Variants in RAB18 observed in about 807,000 individuals in gnomAD.
RAB18 encodes the protein ras-related protein Rab-18.
A neutral mutation model predicts 28.5 loss-of-function variants in RAB18; 10 were observed. That is an observed-to-expected ratio of 0.35 (90% confidence interval 0.22 to 0.60). The LOEUF is 0.60. Among genes scored for constraint, RAB18 ranks in the 20% least tolerant of loss-of-function variants. The pLI, the probability that RAB18 is intolerant of heterozygous loss-of-function variation, is 0.78. For missense variants in RAB18, 188 were observed against 244.2 expected (o/e 0.77, Z 1.53); for synonymous variants, 93 against 86.9 (o/e 1.07, Z -0.39).
At chr10:27,507,189 G>A (rs1837863212) in intron 1 of RAB18, among the ~76,000 whole-genome samples, 1 of 152,234 alleles carries the variant, frequency 6.6e-6, no homozygotes, top group African/African-American at 2.4e-5. Flanking sequence ...GTGGAAGTGA[G>A]ATAGCACTTG....
chr10:27,538,848 T>TAA lies in RAB18; in HGVS notation c.*800_*801dup, dbSNP rs1478774079. 2.2e-6 allele frequency: 1 copy of TAA among 454,060 alleles called. No homozygotes were observed. Among genetic ancestry groups the TAA allele is most frequent in the Non-Finnish European group, 4.4e-6 (1 of 226,736 alleles). The allele number at this position is 454,060 out of a possible 1,614,324, so 28.1% of individuals were successfully genotyped here. On this transcript the variant is annotated 3_prime_UTR_variant, in exon 7 of 7. Coordinates refer to ENST00000356940, the MANE Select transcript of RAB18 (RefSeq NM_021252.5). ...TTTATTGTAACTCCTCATACACTTT[T>TAA]AAAACCAACATCTTTTTTCATAAAT...
intron 1 of RAB18, chr10:27,505,012 G>A (rs769225072): frequency 3.7e-6 from 2 of 533,536 alleles, no homozygotes; most frequent in Non-Finnish European, 7.7e-6. Context: ...TGTGACTGCT[G>A]GAAAATTTCG....
intron 2 of RAB18, among the ~76,000 whole-genome samples, chr10:27,520,527 T>G (rs1210125825): frequency 2.0e-5 from 3 of 152,200 alleles, no homozygotes; most frequent in African/African-American, 7.2e-5. Context: ...CTGCTAGCTT[T>G]GCACAGAGTT....
chr10:27,505,825 T>A (rs746309958), intron 1 of RAB18, among the ~76,000 whole-genome samples: 24 of 152,152 alleles, frequency 1.6e-4, no homozygotes, highest in Non-Finnish European at 2.6e-4. Context: ...CCCAAAGTGC[T>A]AGGATTACAG....
At chr10:27,535,113 T>A (rs1254270055) in intron 6 of RAB18, among the ~76,000 whole-genome samples, 8 of 152,190 alleles carry the variant, frequency 5.3e-5, no homozygotes, top group Non-Finnish European at 2.9e-5. Context: ...GGAAAGTTCT[T>A]AGAGGCTGTC....
chr10:27,534,839 C>T (rs1834860543), intron 6 of RAB18, among the ~76,000 whole-genome samples: 1 of 152,194 alleles, frequency 6.6e-6, no homozygotes, highest in African/African-American at 2.4e-5. Flanking sequence ...TAGATAAAAA[C>T]AGAATGGAAT....
chr10:27,504,482 C>T (rs1257671405), intron 1 of RAB18, 45 bp downstream of exon 1: 1 of 1,543,510 alleles, frequency 6.5e-7, no homozygotes. Flanking sequence ...TGGGCTCTTT[C>T]TGCCCCGGTG....
At chr10:27,513,386 T>C (rs977409760) in intron 2 of RAB18, among the ~76,000 whole-genome samples, 8 of 152,092 alleles carry the variant, frequency 5.3e-5, no homozygotes, top group African/African-American at 1.9e-4. Context: ...TTGTGAAAAT[T>C]AGTGTTTTAT....
At chr10:27,520,790 A>AC (rs1417923959) in intron 2 of RAB18, among the ~76,000 whole-genome samples, 1 of 151,376 alleles carries the variant, frequency 6.6e-6, no homozygotes, top group Non-Finnish European at 1.5e-5. Context: ...AGTGGCGGGC[A>AC]CCTGTAATCC....
At position 27,541,893 on chromosome 10, in the gene RAB18, C is replaced by T; in HGVS notation, c.*3842C>T. ...GTGGCATTGTCACACCCTCGGCTTTCTAGATTAACCCAGTTACCTTTTAGC... is the reference window on the plus strand; with the variant it reads ...GTGGCATTGTCACACCCTCGGCTTTTTAGATTAACCCAGTTACCTTTTAGC... On this transcript the variant is annotated 3_prime_UTR_variant, in exon 7 of 7. Transcript: ENST00000356940. The T allele has an allele frequency of 2.2e-6, 1 of 450,074 alleles. No individual in the cohort carries two copies. The highest frequency in any genetic ancestry group is 1.6e-5 in the South Asian group (1 of 63,998). The allele number at this position is 450,074 out of a possible 1,614,324, so 27.9% of individuals were successfully genotyped here. A position where few individuals can be genotyped will look rare whatever the true frequency, so the allele number is the denominator to read the frequency against.
At position 27,532,493 on chromosome 10, in the gene RAB18, A is replaced by G; in HGVS notation, c.187-14A>G. The G allele has an allele frequency of 6.4e-7, 1 of 1,571,996 alleles. No individual in the cohort carries two copies. The highest frequency in any genetic ancestry group is 1.7e-5 in the Admixed American group (1 of 59,890). On this transcript the variant is annotated splice_polypyrimidine_tract_variant and intron_variant, in intron 3 of 6. Transcript: ENST00000356940. ...TTATACTTTGTTTAATTTAATAATAATGATCATTTTTAGGATACTGCTGGT... is the reference window on the plus strand; with the variant it reads ...TTATACTTTGTTTAATTTAATAATAGTGATCATTTTTAGGATACTGCTGGT...
At chr10:27,516,563 GAA>G (rs762591500) in intron 2 of RAB18, among the ~76,000 whole-genome samples, 2 of 121,536 alleles carry the variant, frequency 1.6e-5, no homozygotes, top group African/African-American at 5.8e-5. Flanking sequence ...ATCTCAAAAA[GAA>G]AAAAAAAAAA....
At chr10:27,530,150 G>T (rs1157316450) in intron 3 of RAB18, among the ~76,000 whole-genome samples, 2 of 152,018 alleles carry the variant, frequency 1.3e-5, no homozygotes, top group East Asian at 3.8e-4. Flanking sequence ...AGCTCTGGAA[G>T]TTATGGATAC....
chr10:27,526,873 C>T lies in RAB18; in HGVS notation c.170C>T (p.Ala57Val), dbSNP rs774326530. ...ACAATTTCAGTGGATGGAAATAAGG[C>T]TAAACTTGCAATATGGGTAAGAGTT... is the stretch of plus-strand genomic sequence containing the variant. ...VKTISVDGNK[A>V]KLAIWDTAGQ... is the part of the protein sequence containing the mutation. The change falls in exon 3 of 7, where the codon GCT becomes GTT. Residue 57 changes from alanine (A) to valine (V), a missense_variant. Physicochemically the swap from Ala to Val is moderately conservative, Grantham distance 64. Transcript: ENST00000356940. The T allele has an allele frequency of 3.1e-6, 5 of 1,613,050 alleles. No homozygotes were observed. The South Asian group carries it at 5.5e-5, about 18-fold the overall frequency.
In RAB18 at chr10:27,509,939, G is replaced by A. The variant is rs781353128; in HGVS notation, c.124+9G>A. 2 of 1,605,162 alleles carry A rather than the reference G, an allele frequency of 1.2e-6. No homozygotes were observed. The highest frequency in any genetic ancestry group is 8.5e-7 in the Non-Finnish European group (1 of 1,172,206). ...ACTTGCAGCAACAATAGGTAAGCCT[G>A]TGTTTAAAAATTCTATAGAAATGGC... On this transcript the variant is annotated intron_variant, in intron 2 of 6. Coordinates refer to ENST00000356940, the MANE Select transcript of RAB18 (RefSeq NM_021252.5).
rs1467540930 is a variant in RAB18 at position 27,505,203 on chromosome 10, T to C, written c.68+766T>C. ...AGTTGAGTATAAGGTAAGACATGGA[T>C]CTAGGTGGATGTTGCTAGAGGGCTG... On this transcript the variant is annotated intron_variant, in intron 1 of 6. Transcript: ENST00000356940. The C allele has an allele frequency of 7.7e-6, 4 of 518,446 alleles. No homozygotes were observed. In the Admixed American group the frequency reaches 8.1e-5, roughly 10 times the overall value. 32.1% of individuals were successfully genotyped at this position (518,446 alleles called of 1,614,324 possible). A position where few individuals can be genotyped will look rare whatever the true frequency, so the allele number is the denominator to read the frequency against.
rs1329652486 is a variant in RAB18 at position 27,504,327 on chromosome 10, G to C, written c.-43G>C. ...TCACTCTGCTGAAGGGCTGAGAGGC[G>C]CACCCGGGCGGCCAGCTGGGCTCGG... On this transcript the variant is annotated 5_prime_UTR_variant, in exon 1 of 7. Coordinates refer to ENST00000356940, the MANE Select transcript of RAB18 (RefSeq NM_021252.5). 2.6e-6 allele frequency: 4 copies of C among 1,550,982 alleles called. No individual in the cohort carries two copies. In the South Asian group the frequency reaches 4.7e-5, roughly 18 times the overall value.
Position 27,517,366 on chromosome 10 carries a change from GA to G in RAB18, c.124+7446del, listed in dbSNP as rs914092008. ...CGACAGAGCAAGACTCTGTCTCAAA[GA>G]AAAAAAAAAGAATTTGATGAAAATA... On this transcript the variant is annotated intron_variant, in intron 2 of 6. Coordinates refer to ENST00000356940, the MANE Select transcript of RAB18 (RefSeq NM_021252.5). Among the ~76,000 whole-genome samples, 10 of 146,342 alleles carry G rather than the reference GA, an allele frequency of 6.8e-5. No individual in the cohort carries two copies. In the East Asian group the frequency reaches 1.2e-3, roughly 17 times the overall value.
intron 2 of RAB18, among the ~76,000 whole-genome samples, chr10:27,520,260 C>T (rs986965992): frequency 1.3e-5 from 2 of 152,030 alleles, no homozygotes; most frequent in Admixed American, 6.6e-5. Flanking sequence ...TTATCCATTT[C>T]GTTGACATAA....
Sources: allele counts gnomAD v4.1 joint callset (sites outside exome capture counted in the v4.1 genomes callset), GRCh38; gene constraint gnomAD v4.1.1; transcripts MANE v1.5; gene names NCBI Gene and HGNC (gene_info 2026-07-23, HGNC 2026-07-21).